Variants in ABCA7 observed in about 807,000 individuals in gnomAD.
The protein encoded by ABCA7 is ATP binding cassette subfamily A member 7.
ABCA7 carries 261 observed loss-of-function variants against 227.6 expected under a neutral mutation model. The ratio of observed to expected loss-of-function variants is 1.15; its 90% CI spans 1.04 to 1.27. The LOEUF (loss-of-function observed/expected upper bound fraction) is 1.27. Ranked by LOEUF, ABCA7 falls within the 50% of genes most tolerant of loss-of-function variation. The pLI is 0.00. For missense variants in ABCA7, 3,331 were observed against 2,924.5 expected, an observed-to-expected ratio of 1.14 and a Z score of -3.21; for synonymous variants, 1,488 against 1,279.7, an observed-to-expected ratio of 1.16 and a Z score of -3.47.
chr19:1,047,070 G>A, intron 14 of ABCA7, 46 bp downstream of exon 14: 1 of 1,551,816 alleles, frequency 6.4e-7, no homozygotes, highest in African/African-American at 1.4e-5. Flanking sequence ...GTGCGCTGGA[G>A]GGTGACAGAC....
chr19:1,048,808 C>CAA (rs375803635), intron 16 of ABCA7, 87 bp from the exon 17 acceptor site: 11,685 of 485,298 alleles, frequency 0.024, 4 homozygotes, highest in East Asian at 0.051. Context: ...GACTCCGTCT[C>CAA]AAAAAAAAAA....
At chr19:1,044,098 G>A (rs987204761) in intron 10 of ABCA7, among the ~76,000 whole-genome samples, 3 of 150,058 alleles carry the variant, frequency 2.0e-5, no homozygotes, top group Non-Finnish European at 1.5e-5. Context: ...CACCACGCCC[G>A]GATGATTTTT....
rs761101722 is a variant in ABCA7 at position 1,059,089 on chromosome 19, A to T, written c.5463+4A>T. ...CCTGGGGATTCCCCCTGGTGAGGTG[A>T]GTCCAGGGGTGGAGGCCAGGTGCAG... On this transcript the variant is annotated splice_donor_region_variant and intron_variant, in intron 40 of 46. Transcript: ENST00000263094. The T allele has an allele frequency of 1.9e-6, 3 of 1,612,374 alleles. No homozygotes were observed. Among genetic ancestry groups the T allele is most frequent in the African/African-American group, 2.7e-5 (2 of 74,854 alleles).
At chr19:1,055,777 C>T (rs1199704806) in intron 30 of ABCA7, 130 bp from the exon 31 acceptor site, 3 of 949,782 alleles carry the variant, frequency 3.2e-6, no homozygotes, top group East Asian at 2.8e-5. Context: ...GTTGGGATTA[C>T]AGGCAGGAGC....
At chr19:1,055,528 A>G (rs1202822981) in intron 30 of ABCA7, among the ~76,000 whole-genome samples, 177 bp downstream of exon 30, 12 of 100,964 alleles carry the variant, frequency 1.2e-4, no homozygotes, top group Admixed American at 5.6e-4. Flanking sequence ...TTTGAGATGG[A>G]GTCTCCCTCT....
At position 1,047,262 on chromosome 19, in the gene ABCA7, T is replaced by C; in HGVS notation, c.1951T>C (p.Ser651Pro). 1 of 1,607,172 alleles carries C rather than the reference T, an allele frequency of 6.2e-7. No homozygotes were observed. Among genetic ancestry groups the C allele is most frequent in the Non-Finnish European group, 8.5e-7 (1 of 1,179,302 alleles). Residue 651 changes from serine to proline, a missense_variant, in exon 15 of 47, where the codon TCC (serine) becomes CCC (proline). Transcript: ENST00000263094. ...TQSFLLSAFFSRANLAAACGG... is the reference protein window; with the variant it reads ...TQSFLLSAFFPRANLAAACGG... ...GAGCTTCCTGCTCAGCGCCTTCTTC[T>C]CCCGCGCCAACCTGGCTGCGGCCTG... is the stretch of plus-strand genomic sequence containing the variant.
chr19:1,044,865 T>C (rs2040455039), intron 11 of ABCA7, 121 bp downstream of exon 11: 5 of 1,465,352 alleles, frequency 3.4e-6, no homozygotes, highest in Non-Finnish European at 4.5e-6. Context: ...CTGGGATTTG[T>C]AGAGATCTCA....
At chr19:1,046,181 G>T in intron 12 of ABCA7, 49 bp from the exon 13 acceptor site, 1 of 1,589,890 alleles carries the variant, frequency 6.3e-7, no homozygotes, top group South Asian at 1.1e-5. Flanking sequence ...GTGGGGCCCC[G>T]GGAGTTTCTA....
chr19:1,046,096 T>G, intron 12 of ABCA7, 134 bp from the exon 13 acceptor site: 14 of 1,031,190 alleles, frequency 1.4e-5, no homozygotes, highest in Non-Finnish European at 1.8e-5. Flanking sequence ...AAGGCTGCAG[T>G]GAGCTATGAT....
intron 25 of ABCA7, 23 bp downstream of exon 25, chr19:1,053,859 C>T (rs1199336404): frequency 1.2e-6 from 2 of 1,605,202 alleles, no homozygotes. Context: ...CTCCCTGACC[C>T]CTGACCCCAG....
Position 1,057,978 on chromosome 19 carries a change from T to C in ABCA7, c.4944T>C (p.Tyr1648=), listed in dbSNP as rs1175908092. The part of the protein sequence containing the change: ...SFFFSVPSTA[Y]VVLTCINLFI... ...TCTTCTCCGTGCCCAGCACAGCCTA[T>C]GTGGTGCTCACCTGCATAAACCTCT... is the stretch of plus-strand genomic sequence containing the variant. Residue 1648 remains tyrosine, a synonymous_variant, in exon 36 of 47, where the codon TAT becomes TAC. Transcript: ENST00000263094. 3.7e-6 allele frequency: 6 copies of C among 1,614,056 alleles called. No individual in the cohort carries two copies. The highest frequency in any genetic ancestry group is 5.1e-6 in the Non-Finnish European group (6 of 1,180,012).
chr19:1,045,478 C>A (rs1026964141), intron 12 of ABCA7: 14 of 524,774 alleles, frequency 2.7e-5, no homozygotes, highest in African/African-American at 2.5e-4. Context: ...AGGTTGAGGG[C>A]AATGGTGGGC....
chr19:1,042,833 G>A lies in ABCA7; in HGVS notation c.579+7G>A, dbSNP rs897722221. The A allele has an allele frequency of 8.2e-6, 13 of 1,581,840 alleles. No individual in the cohort carries two copies. Among genetic ancestry groups the A allele is most frequent in the Non-Finnish European group, 1.0e-5 (12 of 1,165,356 alleles). On this transcript the variant is annotated splice_region_variant and intron_variant, in intron 7 of 46. Coordinates refer to ENST00000263094, the MANE Select transcript of ABCA7 (RefSeq NM_019112.4). ...TGAGGACCTGGCCCAGGAGGTACGA[G>A]GCCCCACTCATCCTCAACCCCCATG...
At position 1,042,388 on chromosome 19, in the gene ABCA7, G is replaced by A. The variant is rs771112818; in HGVS notation, c.489G>A (p.Leu163=). 1 of 1,609,560 alleles carries A rather than the reference G, an allele frequency of 6.2e-7. No homozygotes were observed. The highest frequency in any genetic ancestry group is 2.2e-5 in the East Asian group (1 of 44,714). ...MLDVAELLTS[L]LRTESLGLAL... ...ATGTCGCGGAGCTGCTGACGTCACT[G>A]CTGCGCACGGTAGGGTGTCGGGGCG... The change falls in exon 6 of 47, where the codon CTG becomes CTA. Residue 163 remains leucine, a synonymous_variant. Transcript: ENST00000263094.
At chr19:1,044,820 T>C in intron 11 of ABCA7, 76 bp downstream of exon 11, 1 of 1,515,512 alleles carries the variant, frequency 6.6e-7, no homozygotes, top group Non-Finnish European at 8.8e-7. Context: ...ACCCTGGTGT[T>C]CCCAGGGGGA....
intron 16 of ABCA7, among the ~76,000 whole-genome samples, chr19:1,048,117 G>A (rs76348507): frequency 0.075 from 11,388 of 150,942 alleles, 704 homozygotes; most frequent in East Asian, 0.31. Flanking sequence ...AGGATCACTC[G>A]AGCCCAGGAG....
At chr19:1,046,029 A>C (rs1456535744) in intron 12 of ABCA7, among the ~76,000 whole-genome samples, 2 of 152,010 alleles carry the variant, frequency 1.3e-5, no homozygotes, top group Non-Finnish European at 2.9e-5. Flanking sequence ...AAATGAATAA[A>C]ATTAGCCAGG....
rs761722952 is a variant in ABCA7 at position 1,059,936 on chromosome 19, G to C, written c.5463+851G>C. Among the ~76,000 whole-genome samples the C allele has an allele frequency of 1.1e-4, 16 of 152,308 alleles. No homozygotes were observed. The South Asian group carries it at 1.4e-3, about 14-fold the overall frequency. ...CTTACCTCTGTTAAACACACACTGT[G>C]CTCACTAAAGAGGTGTACTGAATAC... On this transcript the variant is annotated intron_variant, in intron 40 of 46. Coordinates refer to ENST00000263094, the MANE Select transcript of ABCA7 (RefSeq NM_019112.4).
chr19:1,045,511 C>T (rs911294035), intron 12 of ABCA7: 18 of 455,950 alleles, frequency 3.9e-5, no homozygotes, highest in Non-Finnish European at 6.0e-5. Flanking sequence ...ATTATTAGGT[C>T]CCTGGAATAA....
Sources: gnomAD v4.1 joint callset for allele counts (sites outside exome capture counted in the v4.1 genomes callset) on GRCh38, gnomAD v4.1.1 for gene constraint, MANE v1.5 for transcripts, NCBI Gene and HGNC (gene_info 2026-07-23, HGNC 2026-07-21) for gene names.